The following OPRM1 variants were observed in gnomAD, a reference collection of about 807,000 sequenced individuals.
The protein encoded by OPRM1 is opioid receptor mu 1.
In OPRM1, 27 loss-of-function variants were observed where a neutral mutation model predicts 31.8. The ratio of observed to expected loss-of-function variants is 0.85; its 90% CI spans 0.63 to 1.17. The LOEUF (loss-of-function observed/expected upper bound fraction) is 1.17, where lower values mean the gene tolerates loss of function less well. Ranked by LOEUF, OPRM1 falls within the 50% of genes most tolerant of loss-of-function variation. OPRM1 has a pLI of 0.00. For synonymous variants in OPRM1, 196 were observed against 189.9 expected, an observed-to-expected ratio of 1.03 and a Z score of -0.26; for missense variants, 536 against 511.1, an observed-to-expected ratio of 1.05 and a Z score of -0.47.
chr6:154,109,792 C>CTCTGTGTGTG (rs1358444421), intron 3 of OPRM1, among the ~76,000 whole-genome samples: 14 of 101,196 alleles, frequency 1.4e-4, no homozygotes, highest in African/African-American at 4.6e-4. Flanking sequence ...CTCTCTCTCT[C>CTCTGTGTGTG]TGTGTGTGTG....
At chr6:154,160,500 T>C (rs1000844915) in intron 3 of OPRM1, among the ~76,000 whole-genome samples, 7 of 152,252 alleles carry the variant, frequency 4.6e-5, no homozygotes, top group Admixed American at 2.6e-4. Flanking sequence ...ATTATCTTTA[T>C]TTTTAATAAA....
chr6:154,167,955 G>C (rs769855290), intron 3 of OPRM1: 11 of 1,601,560 alleles, frequency 6.9e-6, no homozygotes, highest in South Asian at 6.7e-5. Flanking sequence ...ATTTTGTGGA[G>C]TTTCTCGTTT....
At chr6:154,041,833 C>T (rs116553731) in intron 1 of OPRM1, among the ~76,000 whole-genome samples, 1,680 of 152,178 alleles carry the variant, frequency 0.011, 26 homozygotes, top group African/African-American at 0.037. Flanking sequence ...TATTTTATTC[C>T]CTTTTATTGC....
intron 3 of OPRM1, among the ~76,000 whole-genome samples, chr6:154,114,031 A>C (rs116663015): frequency 6.6e-6 from 1 of 152,002 alleles, no homozygotes; most frequent in Non-Finnish European, 1.5e-5. Context: ...AGGGCCCCCT[A>C]GGTGGTCTGC....
intron 3 of OPRM1, among the ~76,000 whole-genome samples, chr6:154,226,717 C>T (rs921902457): frequency 6.6e-6 from 1 of 152,156 alleles, no homozygotes; most frequent in South Asian, 2.1e-4. Context: ...ACATCATGAA[C>T]ATTCTTCATG....
At chr6:154,221,627 A>C (rs560401401) in intron 3 of OPRM1, among the ~76,000 whole-genome samples, 1 of 152,166 alleles carries the variant, frequency 6.6e-6, no homozygotes, top group South Asian at 2.1e-4. Context: ...TAATCCTAGC[A>C]CTTTGGGAGG....
chr6:154,221,018 A>G (rs1286882335), intron 3 of OPRM1, among the ~76,000 whole-genome samples: 1 of 152,042 alleles, frequency 6.6e-6, no homozygotes, highest in African/African-American at 2.4e-5. Flanking sequence ...ACTTCTGTCC[A>G]CTCCTTTTTC....
intron 3 of OPRM1, among the ~76,000 whole-genome samples, chr6:154,192,753 C>T (rs1182081317): frequency 6.6e-6 from 1 of 152,100 alleles, no homozygotes; most frequent in Non-Finnish European, 1.5e-5. Flanking sequence ...GGCCAACAAA[C>T]ACGAAGAAAT....
At chr6:154,199,948 A>G (rs1562537442) in intron 3 of OPRM1, 2 of 1,614,216 alleles carry the variant, frequency 1.2e-6, no homozygotes, top group Non-Finnish European at 1.7e-6. Flanking sequence ...AGGAAGGAAA[A>G]CTGCTGGGTG....
chr6:154,194,127 C>T (rs374237656), intron 3 of OPRM1, among the ~76,000 whole-genome samples: 5 of 152,200 alleles, frequency 3.3e-5, no homozygotes, highest in African/African-American at 7.2e-5. Flanking sequence ...TCTAAAATCA[C>T]GGTGGCTCAT....
chr6:154,076,211 T>G (rs1787858230), intron 1 of OPRM1, among the ~76,000 whole-genome samples: 1 of 152,112 alleles, frequency 6.6e-6, no homozygotes, highest in Non-Finnish European at 1.5e-5. Flanking sequence ...TTTAATAACC[T>G]CAGAATAAGT....
chr6:154,063,945 A>T (rs1784869332), intron 1 of OPRM1, among the ~76,000 whole-genome samples: 1 of 152,044 alleles, frequency 6.6e-6, no homozygotes, highest in Non-Finnish European at 1.5e-5. Context: ...AATAATTCTG[A>T]TGTGAAGATG....
intron 1 of OPRM1, among the ~76,000 whole-genome samples, chr6:154,013,818 C>G (rs1472378307): frequency 6.6e-6 from 1 of 152,090 alleles, no homozygotes; most frequent in East Asian, 1.9e-4. Flanking sequence ...GTTATCAAGG[C>G]TTTGGAAGGA....
intron 3 of OPRM1, among the ~76,000 whole-genome samples, chr6:154,160,206 T>C (rs1000980100): frequency 1.3e-5 from 2 of 152,264 alleles, no homozygotes; most frequent in African/African-American, 4.8e-5. Flanking sequence ...ATACGACATT[T>C]GTTTGCATAC....
chr6:154,075,521 G>A (rs538418439), intron 1 of OPRM1, among the ~76,000 whole-genome samples: 6 of 150,242 alleles, frequency 4.0e-5, no homozygotes, highest in Admixed American at 3.3e-4. Context: ...GCGCAATCTC[G>A]GCTGACTGCA....
intron 3 of OPRM1, among the ~76,000 whole-genome samples, chr6:154,216,093 A>G (rs1778370225): frequency 6.6e-6 from 1 of 152,192 alleles, no homozygotes; most frequent in African/African-American, 2.4e-5. Flanking sequence ...TTAAATATCC[A>G]TCCCCTTCAC....
At chr6:154,032,935 A>G (rs1406936877) in intron 1 of OPRM1, among the ~76,000 whole-genome samples, 3 of 152,240 alleles carry the variant, frequency 2.0e-5, no homozygotes, top group Non-Finnish European at 2.9e-5. Flanking sequence ...AAACTTATCT[A>G]TATTAGAATC....
At position 154,161,516 on chromosome 6, in the gene OPRM1, C is replaced by A. The variant is rs1799018579; in HGVS notation, c.1164+70044C>A. ...GCGTGAGCCACTGCACCTGGCCTAC[C>A]CAATTTTTCAAAACCCGTAAATCTA... On this transcript the variant is annotated intron_variant, in intron 3 of 3. Transcript: ENST00000337049. Among the ~76,000 whole-genome samples, 3 of 151,984 alleles carry A rather than the reference C, an allele frequency of 2.0e-5. No homozygotes were observed. In the South Asian group the frequency reaches 6.2e-4, roughly 32 times the overall value.
At chr6:154,169,338 G>C (rs1799687660) in intron 3 of OPRM1, among the ~76,000 whole-genome samples, 2 of 152,124 alleles carry the variant, frequency 1.3e-5, no homozygotes, top group Admixed American at 1.3e-4. Flanking sequence ...TCCAGCCTGG[G>C]CTACAGAGTG....
Sources: gnomAD v4.1 joint callset for allele counts (sites outside exome capture counted in the v4.1 genomes callset) on GRCh38, gnomAD v4.1.1 for gene constraint, MANE v1.5 for transcripts, NCBI Gene and HGNC (gene_info 2026-07-23, HGNC 2026-07-21) for gene names.